The following KCNIP4 variants were observed in gnomAD, a reference collection of about 807,000 sequenced individuals.
KCNIP4 encodes the protein Kv channel-interacting protein 4.
Under a neutral mutation model 34.0 loss-of-function variants are expected in KCNIP4, and 12 were observed. The ratio of observed to expected loss-of-function variants is 0.35; its 90% CI spans 0.23 to 0.57. The LOEUF (loss-of-function observed/expected upper bound fraction) is 0.57. KCNIP4 is among the 20% of genes least tolerant of loss of function. The pLI is 0.83. For missense variants in KCNIP4, 238 were observed against 311.7 expected, an observed-to-expected ratio of 0.76 and a Z score of 1.78; for synonymous variants, 124 against 102.2, an observed-to-expected ratio of 1.21 and a Z score of -1.29.
chr4:21,755,972 T>G (rs1396471402), intron 1 of KCNIP4, among the ~76,000 whole-genome samples: 2 of 152,206 alleles, frequency 1.3e-5, no homozygotes, highest in African/African-American at 4.8e-5. Flanking sequence ...CTCTATCACC[T>G]CTGAAACAAC....
At chr4:21,118,003 G>T (rs567098586) in intron 1 of KCNIP4, among the ~76,000 whole-genome samples, 1 of 152,276 alleles carries the variant, frequency 6.6e-6, no homozygotes, top group East Asian at 1.9e-4. Context: ...AAGTGACTAA[G>T]AAATTCAAGG....
intron 1 of KCNIP4, among the ~76,000 whole-genome samples, chr4:20,946,190 T>C (rs1473037988): frequency 6.6e-6 from 1 of 152,038 alleles, no homozygotes; most frequent in Non-Finnish European, 1.5e-5. Context: ...CCAGGAAAAC[T>C]TGGGGTAGGA....
At position 21,562,392 on chromosome 4, in the gene KCNIP4, T is replaced by C. The variant is rs79024514; in HGVS notation, c.61+386179A>G. The stretch of plus-strand genomic sequence containing the variant: ...TTGACCACTGATATTAAAGAGCCAT[T>C]ACCAAGAATGCACATATGAGCACAT... On this transcript the variant is annotated intron_variant, in intron 1 of 8. Transcript: ENST00000382152. Among the ~76,000 whole-genome samples, 947 of 152,108 alleles carry C rather than the reference T, an allele frequency of 6.2e-3. 13 individuals are homozygous for C. Among genetic ancestry groups the C allele is most frequent in the African/African-American group, 0.021 (891 of 41,538 alleles).
chr4:21,616,746 C>T (rs746144289), intron 1 of KCNIP4, among the ~76,000 whole-genome samples: 2 of 152,068 alleles, frequency 1.3e-5, no homozygotes, highest in East Asian at 1.9e-4. Flanking sequence ...TGTGTCTCTG[C>T]GTTTCTTCTT....
intron 1 of KCNIP4, among the ~76,000 whole-genome samples, chr4:21,169,656 A>G (rs1254824273): frequency 9.0e-6 from 1 of 111,720 alleles, no homozygotes; most frequent in Non-Finnish European, 1.9e-5. Context: ...GTCATACTTT[A>G]TATTTGTGTG....
At chr4:21,694,945 T>A (rs58596075) in intron 1 of KCNIP4, among the ~76,000 whole-genome samples, 2,736 of 68,018 alleles carry the variant, frequency 0.04, 217 homozygotes, top group African/African-American at 0.094. Flanking sequence ...AATAAATAAA[T>A]AAATAAAGGG....
At chr4:21,902,539 C>A (rs948024408) in intron 1 of KCNIP4, among the ~76,000 whole-genome samples, 1 of 151,862 alleles carries the variant, frequency 6.6e-6, no homozygotes, top group African/African-American at 2.4e-5. Context: ...CCAGCTGAAT[C>A]CCAGGGCAAA....
intron 1 of KCNIP4, among the ~76,000 whole-genome samples, chr4:21,624,892 A>G (rs1455013073): frequency 6.6e-6 from 1 of 152,146 alleles, no homozygotes; most frequent in Non-Finnish European, 1.5e-5. Flanking sequence ...ATTCTTGAAT[A>G]TACTGAGATT....
chr4:21,728,034 G>A (rs976278346), intron 1 of KCNIP4, among the ~76,000 whole-genome samples: 2 of 152,000 alleles, frequency 1.3e-5, no homozygotes, highest in African/African-American at 4.8e-5. Context: ...TACACTTTCT[G>A]TCTTCTGGAC....
chr4:21,080,042 G>A (rs562101994), intron 1 of KCNIP4, among the ~76,000 whole-genome samples: 17 of 151,946 alleles, frequency 1.1e-4, no homozygotes, highest in African/African-American at 3.6e-4. Flanking sequence ...TTTAAGCCAC[G>A]AGGTTTGTGG....
chr4:21,491,586 T>G (rs1034047664), intron 1 of KCNIP4, among the ~76,000 whole-genome samples: 1 of 152,120 alleles, frequency 6.6e-6, no homozygotes, highest in Admixed American at 6.6e-5. Flanking sequence ...TTGCCCAGGC[T>G]GGTCTCAAAA....
At chr4:20,749,627 A>G (rs772509553) in intron 5 of KCNIP4, 35 bp downstream of exon 5, 2 of 1,441,062 alleles carry the variant, frequency 1.4e-6, no homozygotes, top group East Asian at 4.6e-5. Flanking sequence ...TAAACTCTAA[A>G]TAGTCAAATG....
rs201727246 is a variant in KCNIP4, at chr4:20,839,725, CT to C, written c.288+10817del. Among the ~76,000 whole-genome samples the C allele has an allele frequency of 8.8e-3, 1,340 of 152,158 alleles. 6 individuals carry two copies. Among genetic ancestry groups the C allele is most frequent in the Non-Finnish European group, 0.015 (988 of 67,996 alleles). On this transcript the variant is annotated intron_variant, in intron 3 of 8. Coordinates refer to ENST00000382152, the MANE Select transcript of KCNIP4 (RefSeq NM_025221.6). ...TTTGAGTGTTGTCATGAGACAGGGT[CT>C]GTGCTTTTTGCTTTACATTCATTGT... is the stretch of plus-strand genomic sequence containing the variant.
intron 1 of KCNIP4, among the ~76,000 whole-genome samples, chr4:21,377,411 C>G (rs1577261678): frequency 6.6e-6 from 1 of 152,168 alleles, no homozygotes; most frequent in East Asian, 1.9e-4. Flanking sequence ...GAGACAATTA[C>G]TACAATGAAT....
intron 1 of KCNIP4, among the ~76,000 whole-genome samples, chr4:21,380,452 AGAGGGGGAGAGAGAGAGAGAGAGG>A (rs1363205531): frequency 7.7e-6 from 1 of 129,440 alleles, no homozygotes; most frequent in African/African-American, 2.7e-5. Context: ...AGGGAGAGGG[AGAGGGGGAGAGAGAGAGAGAGAGG>A]GAGAGAGAGA....
chr4:21,095,562 A>T (rs1264799287), intron 1 of KCNIP4, among the ~76,000 whole-genome samples: 3 of 152,228 alleles, frequency 2.0e-5, no homozygotes, highest in African/African-American at 4.8e-5. Flanking sequence ...TGAAATAAAA[A>T]TAATTAGACT....
rs529546337 is a variant in KCNIP4, at chr4:20,869,625, A to G, written c.163+12983T>C. Among the ~76,000 whole-genome samples, 5 of 152,208 alleles carry G rather than the reference A, an allele frequency of 3.3e-5. No individual in the cohort carries two copies. In the South Asian group the frequency reaches 1.0e-3, roughly 32 times the overall value. ...CACCTCTGGCTGGACAATGTGTTTA[A>G]TGTTTCCAAGCCTTAATTTTAAAAT... On this transcript the variant is annotated intron_variant, in intron 2 of 8. Transcript: ENST00000382152.
chr4:21,272,824 A>G (rs1371368263), intron 1 of KCNIP4, among the ~76,000 whole-genome samples: 1 of 152,182 alleles, frequency 6.6e-6, no homozygotes, highest in South Asian at 2.1e-4. Context: ...AAATGTATAT[A>G]TGCTAATGGA....
At chr4:21,805,466 G>C (rs1416673974) in intron 1 of KCNIP4, among the ~76,000 whole-genome samples, 1 of 152,098 alleles carries the variant, frequency 6.6e-6, no homozygotes, top group African/African-American at 2.4e-5. Flanking sequence ...CACCATGTAA[G>C]AAGTGCCTTT....
Sources: gnomAD v4.1 joint callset for allele counts (sites outside exome capture counted in the v4.1 genomes callset) on GRCh38, gnomAD v4.1.1 for gene constraint, MANE v1.5 for transcripts, NCBI Gene and HGNC (gene_info 2026-07-23, HGNC 2026-07-21) for gene names.